CUX1: variants seen among roughly 807,000 people sequenced by gnomAD.
CUX1 encodes cut like homeobox 1.
Under a neutral mutation model 158.8 loss-of-function variants are expected in CUX1, and 31 were observed. The ratio of observed to expected loss-of-function variants is 0.20; its 90% CI spans 0.15 to 0.26. The LOEUF (loss-of-function observed/expected upper bound fraction) is 0.26. Among genes scored for constraint, CUX1 ranks in the 10% least tolerant of loss-of-function variants. CUX1 has a pLI of 1.00. For missense variants in CUX1, 1,589 were observed against 2,014.6 expected, an observed-to-expected ratio of 0.79 and a Z score of 4.04; for synonymous variants, 879 against 862.1, an observed-to-expected ratio of 1.02 and a Z score of -0.34.
intron 2 of CUX1, among the ~76,000 whole-genome samples, chr7:102,001,008 G>T (rs1179137423): frequency 6.6e-6 from 1 of 151,746 alleles, no homozygotes; most frequent in East Asian, 2.0e-4. Context: ...GAACTCATGG[G>T]CCTCAAGTAA....
intron 8 of CUX1, among the ~76,000 whole-genome samples, chr7:102,157,100 A>T (rs1216328029): frequency 6.6e-6 from 1 of 152,156 alleles, no homozygotes; most frequent in Non-Finnish European, 1.5e-5. Context: ...GTCCCGCACG[A>T]GATGGGAGTT....
At chr7:102,200,745 A>G (rs1554519398) in intron 17 of CUX1, among the ~76,000 whole-genome samples, 1 of 150,888 alleles carries the variant, frequency 6.6e-6, no homozygotes, top group East Asian at 2.0e-4. Context: ...AAAAATTATC[A>G]GAGGTCAGGC....
At chr7:102,227,231 C>T in intron 20 of CUX1, 136 bp from the exon 21 acceptor site, 1 of 756,452 alleles carries the variant, frequency 1.3e-6, no homozygotes, top group African/African-American at 1.7e-5. Flanking sequence ...AAACAGTTCA[C>T]TAAGACCCAC....
Position 102,254,121 on chromosome 7 carries a change from A to G in CUX1, c.*5079A>G. 1 of 985,394 alleles carries G rather than the reference A, an allele frequency of 1.0e-6. No homozygotes were observed. Among genetic ancestry groups the G allele is most frequent in the Non-Finnish European group, 1.2e-6 (1 of 829,938 alleles). The allele number at this position is 985,394 out of a possible 1,614,324, so 61.0% of individuals were successfully genotyped here. On this transcript the variant is annotated 3_prime_UTR_variant, in exon 24 of 24. Coordinates refer to ENST00000292535, the MANE Select transcript of CUX1 (RefSeq NM_181552.4). ...CACGGACAAACAGCTGTGCTCTGCA[A>G]GGCACACGGATGTTTCCCTTCCACC...
intron 22 of CUX1, among the ~76,000 whole-genome samples, chr7:102,235,825 T>G (rs1799505104): frequency 8.8e-6 from 1 of 113,990 alleles, no homozygotes. Flanking sequence ...GAGCCAGGGG[T>G]GGGTATGGAA....
intron 2 of CUX1, among the ~76,000 whole-genome samples, chr7:101,986,779 C>G (rs115018673): frequency 4.5e-4 from 68 of 152,302 alleles, no homozygotes; most frequent in African/African-American, 1.5e-3. Flanking sequence ...ACTCCGGACC[C>G]TACCAGAGCA....
chr7:102,012,467 C>T (rs187598649), intron 2 of CUX1, among the ~76,000 whole-genome samples: 2 of 152,294 alleles, frequency 1.3e-5, no homozygotes, highest in Admixed American at 6.5e-5. Flanking sequence ...GGATTATAAG[C>T]GTGAGCCACT....
chr7:101,982,258 G>A (rs1642326784), intron 2 of CUX1, among the ~76,000 whole-genome samples: 1 of 152,184 alleles, frequency 6.6e-6, no homozygotes, highest in African/African-American at 2.4e-5. Flanking sequence ...AGTTGAGTGT[G>A]CCCTGCTGCC....
intron 14 of CUX1, among the ~76,000 whole-genome samples, chr7:102,272,066 G>A (rs191622396): frequency 7.2e-4 from 109 of 152,326 alleles, no homozygotes; most frequent in African/African-American, 2.6e-3. Context: ...TGAACGAGGC[G>A]AGACTCTGGT....
At chr7:101,977,356 G>T (rs1285510965) in intron 2 of CUX1, among the ~76,000 whole-genome samples, 3 of 151,984 alleles carry the variant, frequency 2.0e-5, no homozygotes, top group African/African-American at 7.3e-5. Flanking sequence ...ACTCCTCCTT[G>T]TCTCTGTTCA....
At chr7:101,897,522 A>G (rs1300066686) in intron 1 of CUX1, among the ~76,000 whole-genome samples, 1 of 151,870 alleles carries the variant, frequency 6.6e-6, no homozygotes, top group Non-Finnish European at 1.5e-5. Context: ...AATAATAATA[A>G]TAAAATAAAG....
intron 1 of CUX1, among the ~76,000 whole-genome samples, chr7:101,909,032 G>A (rs775347273): frequency 9.9e-5 from 15 of 152,264 alleles, no homozygotes; most frequent in Admixed American, 1.3e-4. Context: ...GATCACTTGA[G>A]GCCAGGAGTC....
chr7:102,101,815 G>C (rs1554486480), intron 5 of CUX1, among the ~76,000 whole-genome samples: 1 of 152,078 alleles, frequency 6.6e-6, no homozygotes, highest in East Asian at 1.9e-4. Context: ...GGGAGACTGA[G>C]GCACGAGAAT....
At chr7:101,853,584 G>GGTGT (rs59324904) in intron 1 of CUX1, among the ~76,000 whole-genome samples, 21,854 of 140,698 alleles carry the variant, frequency 0.16, 1,717 homozygotes, top group Non-Finnish European at 0.19. Context: ...CAATAGAAAG[G>GGTGT]GTGTGTGTGT....
intron 2 of CUX1, among the ~76,000 whole-genome samples, chr7:101,993,873 C>A (rs1303734638): frequency 6.6e-6 from 1 of 152,222 alleles, no homozygotes; most frequent in Non-Finnish European, 1.5e-5. Context: ...ACTCCCTTCT[C>A]CCCTTCATGG....
At chr7:102,012,990 T>C (rs1818201614) in intron 2 of CUX1, among the ~76,000 whole-genome samples, 1 of 152,134 alleles carries the variant, frequency 6.6e-6, no homozygotes, top group South Asian at 2.1e-4. Flanking sequence ...GAAAACTTGT[T>C]CAGGTTAAAT....
At chr7:102,216,074 C>T (rs1234904219) in intron 20 of CUX1, among the ~76,000 whole-genome samples, 3 of 149,666 alleles carry the variant, frequency 2.0e-5, no homozygotes, top group Admixed American at 6.6e-5. Flanking sequence ...GAGGCCGCAG[C>T]GGGAGGATCA....
At chr7:101,974,880 G>T (rs1464119420) in intron 2 of CUX1, among the ~76,000 whole-genome samples, 1 of 152,148 alleles carries the variant, frequency 6.6e-6, no homozygotes, top group Non-Finnish European at 1.5e-5. Flanking sequence ...TGGCATGTGG[G>T]CAGAGGGAGG....
At chr7:102,222,900 A>G (rs1478766740) in intron 20 of CUX1, among the ~76,000 whole-genome samples, 2 of 138,686 alleles carry the variant, frequency 1.4e-5, no homozygotes, top group African/African-American at 5.4e-5. Flanking sequence ...GCTCACTGCA[A>G]CCGCCACCTC....
Sources: allele counts gnomAD v4.1 joint callset (sites outside exome capture counted in the v4.1 genomes callset), GRCh38; gene constraint gnomAD v4.1.1; transcripts MANE v1.5; gene names NCBI Gene and HGNC (gene_info 2026-07-23, HGNC 2026-07-21).